Variants in ALDH2 observed in about 807,000 individuals in gnomAD.
ALDH2 encodes aldehyde dehydrogenase 2 family member.
A neutral mutation model predicts 59.6 loss-of-function variants in ALDH2; 44 were observed. That is an observed-to-expected ratio of 0.74 (90% CI 0.58 to 0.95). The LOEUF is 0.95. Ranked by LOEUF, ALDH2 falls within the 40% of genes least tolerant of loss-of-function variation. The pLI is 0.00. For synonymous variants in ALDH2, 291 were observed against 284.0 expected (o/e 1.02, Z -0.25); for missense variants, 570 against 696.3 (o/e 0.82, Z 2.04).
At chr12:111,795,450 T>C (rs1424116183) in intron 9 of ALDH2, among the ~76,000 whole-genome samples, 1 of 151,954 alleles carries the variant, frequency 6.6e-6, no homozygotes, top group East Asian at 1.9e-4. Flanking sequence ...GCCCTGCTAA[T>C]TTTTGTATTT....
Position 111,809,696 on chromosome 12 carries a change from C to A in ALDH2, c.*121C>A. 1 of 1,144,540 alleles carries A rather than the reference C, an allele frequency of 8.7e-7. No individual in the cohort carries two copies. The highest frequency in any genetic ancestry group is 1.3e-6 in the Non-Finnish European group (1 of 786,902). 70.9% of individuals were successfully genotyped at this position (1,144,540 alleles called of 1,614,324 possible). A position where few individuals can be genotyped will look rare whatever the true frequency, so the allele number is the denominator to read the frequency against. ...AAAAGAGAAATTTTTCCTACAAAAT[C>A]TCTTGGGTCAAGAAAGTTCTAGAAT... On this transcript the variant is annotated 3_prime_UTR_variant, in exon 13 of 13. Transcript: ENST00000261733.
intron 2 of ALDH2, among the ~76,000 whole-genome samples, chr12:111,782,339 G>A (rs1450567142): frequency 3.3e-5 from 5 of 152,232 alleles, no homozygotes; most frequent in South Asian, 2.1e-4. Flanking sequence ...AGCTCCTGTG[G>A]AGGTTTGAAT....
intron 6 of ALDH2, 115 bp from the exon 7 acceptor site, chr12:111,791,191 A>G: frequency 1.4e-6 from 1 of 731,746 alleles, no homozygotes; most frequent in Non-Finnish European, 2.4e-6. Flanking sequence ...GCTTCTGACC[A>G]CATGTGTCCT....
At chr12:111,776,976 T>C (rs901146422) in intron 1 of ALDH2, among the ~76,000 whole-genome samples, 1 of 152,202 alleles carries the variant, frequency 6.6e-6, no homozygotes, top group Non-Finnish European at 1.5e-5. Context: ...TGAGCCACTG[T>C]GCCTGGCTCA....
chr12:111,813,373 CT>C lies in ALDH2; in HGVS notation c.*3799del, dbSNP rs2068549589. On this transcript the variant is annotated 3_prime_UTR_variant, in exon 13 of 13. Coordinates refer to ENST00000261733, the MANE Select transcript of ALDH2 (RefSeq NM_000690.4). ...TCTCCAAGAATTAACAGGACAGCCC[CT>C]CCCACCGGTGTCCTTCCAACGATGT... 6.6e-6 allele frequency: 1 copy of C among 152,204 alleles called. No homozygotes were observed. The highest frequency in any genetic ancestry group is 2.4e-5 in the African/African-American group (1 of 41,444). The allele number at this position is 152,204 out of a possible 1,614,324, so 9.4% of individuals were successfully genotyped here.
chr12:111,793,404 G>A (rs796834302), intron 9 of ALDH2, among the ~76,000 whole-genome samples: 19 of 152,026 alleles, frequency 1.2e-4, no homozygotes, highest in African/African-American at 4.6e-4. Context: ...CTTTTGAGCA[G>A]TTGTAGGTTT....
intron 4 of ALDH2, among the ~76,000 whole-genome samples, chr12:111,787,756 G>A (rs985375651): frequency 1.3e-5 from 2 of 152,260 alleles, no homozygotes; most frequent in Admixed American, 6.5e-5. Flanking sequence ...CTTAGGCTGT[G>A]CGCGGTGGCT....
chr12:111,772,530 A>C (rs1332526852), intron 1 of ALDH2, among the ~76,000 whole-genome samples: 3 of 151,764 alleles, frequency 2.0e-5, no homozygotes, highest in African/African-American at 7.3e-5. Flanking sequence ...TGCCCAGCTA[A>C]TTTTGTATTT....
chr12:111,792,452 C>A, intron 8 of ALDH2, 146 bp from the exon 9 acceptor site: 2 of 978,220 alleles, frequency 2.0e-6, no homozygotes, highest in Non-Finnish European at 2.9e-6. Context: ...TCCGAGAGCA[C>A]CCCTCATCTC....
intron 12 of ALDH2, among the ~76,000 whole-genome samples, chr12:111,806,559 G>C (rs1302902148): frequency 6.6e-6 from 1 of 152,232 alleles, no homozygotes; most frequent in African/African-American, 2.4e-5. Context: ...ACAGTGCCAA[G>C]CCTGAGACTG....
chr12:111,799,575 C>G (rs527883262), intron 10 of ALDH2, among the ~76,000 whole-genome samples: 2 of 152,034 alleles, frequency 1.3e-5, no homozygotes, highest in East Asian at 3.9e-4. Flanking sequence ...TCCCAAAGTG[C>G]TGGGATTACA....
chr12:111,796,790 A>G (rs1410793090), intron 9 of ALDH2, among the ~76,000 whole-genome samples: 1 of 152,012 alleles, frequency 6.6e-6, no homozygotes, highest in Non-Finnish European at 1.5e-5. Flanking sequence ...CCTGTGGTCC[A>G]GCTACTCGGG....
chr12:111,813,694 G>A lies in ALDH2; in HGVS notation c.*4119G>A, dbSNP rs1352111114. On this transcript the variant is annotated 3_prime_UTR_variant, in exon 13 of 13. Transcript: ENST00000261733. The stretch of plus-strand genomic sequence containing the variant: ...ATGAACCTTGAAAACATGATGCTGA[G>A]TGAAAGAAGCCAGACACAAAAGGAG... The A allele has an allele frequency of 1.3e-5, 2 of 152,192 alleles. No homozygotes were observed. The highest frequency in any genetic ancestry group is 3.8e-4 in the East Asian group (2 of 5,202). 9.4% of individuals were successfully genotyped at this position (152,192 alleles called of 1,614,324 possible). A position where few individuals can be genotyped will look rare whatever the true frequency, so the allele number is the denominator to read the frequency against.
At chr12:111,788,759 T>C (rs965958017) in intron 4 of ALDH2, among the ~76,000 whole-genome samples, 1 of 152,044 alleles carries the variant, frequency 6.6e-6, no homozygotes, top group African/African-American at 2.4e-5. Flanking sequence ...CCCAGCACTT[T>C]GGGAGGCCAA....
At position 111,789,867 on chromosome 12, in the gene ALDH2, C is replaced by G. The variant is rs779941847; in HGVS notation, c.485C>G (p.Pro162Arg). 3 of 1,614,060 alleles carry G rather than the reference C, an allele frequency of 1.9e-6. No homozygotes were observed. Among genetic ancestry groups the G allele is most frequent in the Non-Finnish European group, 8.5e-7 (1 of 1,180,042 alleles). The change falls in exon 5 of 13, where the codon CCC becomes CGC. Residue 162 changes from proline to arginine, a missense_variant. Pro to Arg is a moderately radical substitution (Grantham distance 103). Coordinates refer to ENST00000261733, the MANE Select transcript of ALDH2 (RefSeq NM_000690.4). ...WADKYHGKTI[P>R]IDGDFFSYTR... ...GATAAGTACCACGGGAAAACCATCC[C>G]CATTGACGGAGACTTCTTCAGCTAC...
intron 12 of ALDH2, among the ~76,000 whole-genome samples, chr12:111,808,958 G>T (rs2068516524): frequency 6.6e-6 from 1 of 152,130 alleles, no homozygotes; most frequent in Non-Finnish European, 1.5e-5. Flanking sequence ...CCAAGGAGGG[G>T]TTGAGTGGTG....
At chr12:111,798,477 G>A (rs1412748403) in intron 10 of ALDH2, among the ~76,000 whole-genome samples, 3 of 152,128 alleles carry the variant, frequency 2.0e-5, no homozygotes, top group Non-Finnish European at 4.4e-5. Context: ...TGGCCTGCAG[G>A]CCTTGGTGTC....
At chr12:111,788,136 G>C (rs2068326287) in intron 4 of ALDH2, among the ~76,000 whole-genome samples, 1 of 152,184 alleles carries the variant, frequency 6.6e-6, no homozygotes, top group South Asian at 2.1e-4. Flanking sequence ...CTTGAACCTG[G>C]GAGGCGGAGG....
chr12:111,781,888 T>C (rs982944862), intron 1 of ALDH2, 30 bp from the exon 2 acceptor site: 6 of 1,537,616 alleles, frequency 3.9e-6, no homozygotes, highest in Non-Finnish European at 5.4e-6. Flanking sequence ...TGACAGCTGG[T>C]CCTGAGAACT....
Sources: gnomAD v4.1 joint callset for allele counts (sites outside exome capture counted in the v4.1 genomes callset) on GRCh38, gnomAD v4.1.1 for gene constraint, MANE v1.5 for transcripts, NCBI Gene and HGNC (gene_info 2026-07-23, HGNC 2026-07-21) for gene names.